PCDH9: variants seen among roughly 807,000 people sequenced by gnomAD.
PCDH9 encodes protocadherin-9.
In PCDH9, 24 loss-of-function variants were observed where a neutral mutation model predicts 70.6. The observed-to-expected ratio is 0.34, with a 90% CI of 0.25 to 0.48. The LOEUF (loss-of-function observed/expected upper bound fraction) is 0.48, where lower values mean the gene tolerates loss of function less well. Ranked by LOEUF, PCDH9 falls within the 20% of genes least tolerant of loss-of-function variation. PCDH9 has a pLI of 0.99. For missense variants in PCDH9, 1,281 were observed against 1,503.6 expected (o/e 0.85, Z 2.45); for synonymous variants, 562 against 558.5 (o/e 1.01, Z -0.09).
intron 2 of PCDH9, among the ~76,000 whole-genome samples, chr13:67,066,923 A>G (rs2085659407): frequency 6.6e-6 from 1 of 152,178 alleles, no homozygotes; most frequent in South Asian, 2.1e-4. Context: ...TTAATATTAT[A>G]TTCAGAACAG....
chr13:67,180,474 T>C (rs1386218815), intron 2 of PCDH9, among the ~76,000 whole-genome samples: 2 of 152,152 alleles, frequency 1.3e-5, no homozygotes, highest in African/African-American at 2.4e-5. Context: ...TATTATAGGA[T>C]GCCTCCCACT....
intron 2 of PCDH9, among the ~76,000 whole-genome samples, chr13:67,059,370 G>GTGTA (rs2085489316): frequency 1.4e-5 from 2 of 140,898 alleles, no homozygotes; most frequent in African/African-American, 5.3e-5. Context: ...TATATAGTGT[G>GTGTA]TATATATATA....
At chr13:66,395,479 T>A (rs1205736239) in intron 4 of PCDH9, among the ~76,000 whole-genome samples, 1 of 151,914 alleles carries the variant, frequency 6.6e-6, no homozygotes, top group Non-Finnish European at 1.5e-5. Flanking sequence ...CACGCGCCTG[T>A]AATCCTAGCT....
intron 3 of PCDH9, among the ~76,000 whole-genome samples, chr13:66,893,874 T>C (rs940636306): frequency 1.5e-4 from 23 of 152,170 alleles, no homozygotes; most frequent in Admixed American, 9.2e-4. Flanking sequence ...CTCTCTTACA[T>C]TCCATTAAAA....
intron 2 of PCDH9, among the ~76,000 whole-genome samples, chr13:66,935,252 C>T (rs1474123343): frequency 6.6e-6 from 1 of 151,910 alleles, no homozygotes; most frequent in Non-Finnish European, 1.5e-5. Flanking sequence ...GACGAGATCC[C>T]ACTGTTTGGC....
chr13:66,480,276 T>C (rs796263736), intron 4 of PCDH9, among the ~76,000 whole-genome samples: 6 of 152,294 alleles, frequency 3.9e-5, no homozygotes, highest in African/African-American at 1.4e-4. Context: ...TGCTGCAGTC[T>C]CATGATAAAA....
intron 3 of PCDH9, among the ~76,000 whole-genome samples, chr13:66,745,344 T>C (rs2079343913): frequency 6.6e-6 from 1 of 152,154 alleles, no homozygotes; most frequent in Non-Finnish European, 1.5e-5. Context: ...TTGAGTGAAA[T>C]TCATCATTGC....
intron 2 of PCDH9, among the ~76,000 whole-genome samples, chr13:67,089,101 A>G (rs2086166137): frequency 6.6e-6 from 1 of 152,054 alleles, no homozygotes. Flanking sequence ...AAAATTAGGA[A>G]AGGTAAAGGT....
At chr13:66,624,842 GA>G (rs1331551925) in intron 4 of PCDH9, among the ~76,000 whole-genome samples, 2 of 152,070 alleles carry the variant, frequency 1.3e-5, no homozygotes, top group Non-Finnish European at 2.9e-5. Flanking sequence ...AAACAATAGA[GA>G]AAGAAAGAGG....
intron 4 of PCDH9, among the ~76,000 whole-genome samples, chr13:66,455,566 C>T (rs1958302881): frequency 6.6e-6 from 1 of 152,014 alleles, no homozygotes; most frequent in East Asian, 1.9e-4. Flanking sequence ...GGATAAAATT[C>T]TAGTCAATTC....
chr13:66,959,915 C>T (rs769539459), intron 2 of PCDH9, among the ~76,000 whole-genome samples: 1 of 152,090 alleles, frequency 6.6e-6, no homozygotes, highest in Non-Finnish European at 1.5e-5. Context: ...CAAAGTTTTT[C>T]ACAGTTTCTG....
intron 4 of PCDH9, among the ~76,000 whole-genome samples, chr13:66,514,826 T>C (rs1457090903): frequency 1.3e-5 from 2 of 152,134 alleles, no homozygotes; most frequent in South Asian, 2.1e-4. Context: ...CTTTCAACTA[T>C]ATGTGATTAT....
rs575053596 is a variant in PCDH9, at chr13:66,378,197, GA to G, written c.3341-73170del. On this transcript the variant is annotated intron_variant, in intron 4 of 4. Coordinates refer to ENST00000377865, the MANE Select transcript of PCDH9 (RefSeq NM_203487.3). ...CAATCTGTGTGTTCAAATGAAAATA[GA>G]TTTAATCACATGAACTGTGCTGGAA... Among the ~76,000 whole-genome samples, 3 of 152,222 alleles carry G rather than the reference GA, an allele frequency of 2.0e-5. No individual in the cohort carries two copies. In the South Asian group the frequency reaches 6.2e-4, roughly 32 times the overall value.
At chr13:66,999,423 A>G (rs2084192511) in intron 2 of PCDH9, among the ~76,000 whole-genome samples, 1 of 152,174 alleles carries the variant, frequency 6.6e-6, no homozygotes, top group African/African-American at 2.4e-5. Flanking sequence ...TTTAAACTAA[A>G]TATAATTAGT....
chr13:66,396,383 G>T (rs1355651048), intron 4 of PCDH9, among the ~76,000 whole-genome samples: 1 of 152,124 alleles, frequency 6.6e-6, no homozygotes, highest in Non-Finnish European at 1.5e-5. Flanking sequence ...TCCCGAATAG[G>T]TGATCAACTG....
chr13:67,037,423 A>G lies in PCDH9; in HGVS notation c.3037-133818T>C, dbSNP rs376395284. On this transcript the variant is annotated intron_variant, in intron 2 of 4. Transcript: ENST00000377865. ...CTATAAACAAATTTAAAAATCCAAC[A>G]TAACTTTTCTACTCCAAAAGTGTTA... is the stretch of plus-strand genomic sequence containing the variant. Among the ~76,000 whole-genome samples the G allele has an allele frequency of 5.9e-5, 9 of 152,176 alleles. No homozygotes were observed. In the East Asian group the frequency reaches 1.5e-3, roughly 26 times the overall value.
At chr13:66,865,422 T>C (rs1300862258) in intron 3 of PCDH9, among the ~76,000 whole-genome samples, 1 of 152,268 alleles carries the variant, frequency 6.6e-6, no homozygotes, top group Non-Finnish European at 1.5e-5. Context: ...TCATTATCAA[T>C]TGAATTTTGT....
intron 3 of PCDH9, among the ~76,000 whole-genome samples, chr13:66,691,888 T>C (rs2078492437): frequency 6.6e-6 from 1 of 152,192 alleles, no homozygotes. Context: ...GCTTATTATA[T>C]ATTGGAGTCC....
intron 2 of PCDH9, among the ~76,000 whole-genome samples, chr13:67,008,810 C>T (rs76904166): frequency 8.5e-5 from 13 of 152,116 alleles, no homozygotes; most frequent in African/African-American, 2.2e-4. Flanking sequence ...CTTGCCTATC[C>T]GCTTCTAATC....
Sources: allele counts gnomAD v4.1 joint callset (sites outside exome capture counted in the v4.1 genomes callset), GRCh38; gene constraint gnomAD v4.1.1; transcripts MANE v1.5; gene names NCBI Gene and HGNC (gene_info 2026-07-23, HGNC 2026-07-21).